Variants in GPHN observed in about 807,000 individuals in gnomAD.
The protein encoded by GPHN is gephyrin.
A neutral mutation model predicts 95.5 loss-of-function variants in GPHN; 17 were observed. The observed-to-expected ratio is 0.18, with a 90% CI of 0.12 to 0.27. The LOEUF is 0.27. Among genes scored for constraint, GPHN ranks in the 10% least tolerant of loss-of-function variants. GPHN has a pLI of 1.00. For synonymous variants in GPHN, 320 were observed against 322.5 expected (o/e 0.99, Z 0.08); for missense variants, 660 against 978.1 (o/e 0.67, Z 4.34).
intron 2 of GPHN, among the ~76,000 whole-genome samples, chr14:66,734,731 A>G (rs2072102694): frequency 6.6e-6 from 1 of 152,206 alleles, no homozygotes. Context: ...GCAAACATTT[A>G]TGTAGTCTCC....
At chr14:67,686,790 A>T in the GPHN span, among the ~76,000 whole-genome samples, 1 of 152,204 alleles carries the variant, frequency 6.6e-6, no homozygotes, top group Non-Finnish European at 1.5e-5. Context: ...GTAATATGAA[A>T]TGTATACATA....
At chr14:67,253,586 T>C in the GPHN span, among the ~76,000 whole-genome samples, 3 of 152,190 alleles carry the variant, frequency 2.0e-5, no homozygotes, top group Non-Finnish European at 2.9e-5. Flanking sequence ...AGCTTATGCC[T>C]GTAATCCCAG....
At chr14:67,275,991 T>C in the GPHN span, among the ~76,000 whole-genome samples, 1 of 152,280 alleles carries the variant, frequency 6.6e-6, no homozygotes, top group African/African-American at 2.4e-5. Context: ...TTTTATTGCA[T>C]GTATTTGATT....
chr14:66,608,835 T>C (rs2062656943), intron 1 of GPHN, among the ~76,000 whole-genome samples: 5 of 152,174 alleles, frequency 3.3e-5, no homozygotes, highest in Admixed American at 2.0e-4. Flanking sequence ...TCCATTTGTA[T>C]GGCAGTTCTT....
At chr14:67,623,560 T>TG in the GPHN span, among the ~76,000 whole-genome samples, 1 of 113,492 alleles carries the variant, frequency 8.8e-6, no homozygotes, top group Non-Finnish European at 1.7e-5. Flanking sequence ...TTTTTTTTTT[T>TG]GAGACGGAGT....
chr14:66,628,955 C>A (rs2063625462), intron 1 of GPHN, among the ~76,000 whole-genome samples: 1 of 150,140 alleles, frequency 6.7e-6, no homozygotes, highest in Admixed American at 6.7e-5. Flanking sequence ...GTCCCAGCCA[C>A]TCTGGAGGCT....
intron 12 of GPHN, among the ~76,000 whole-genome samples, 158 bp from the exon 13 acceptor site, chr14:67,100,698 A>G (rs902547437): frequency 1.3e-5 from 2 of 152,244 alleles, no homozygotes; most frequent in Non-Finnish European, 2.9e-5. Context: ...ATCAGTCGTA[A>G]CAAAGCCATT....
intron 4 of GPHN, among the ~76,000 whole-genome samples, chr14:66,839,910 T>C (rs975170460): frequency 1.3e-5 from 2 of 152,156 alleles, no homozygotes; most frequent in African/African-American, 4.8e-5. Flanking sequence ...CGCTGCTCTG[T>C]GGGGTAGATA....
At chr14:66,571,201 G>A (rs976986320) in intron 1 of GPHN, among the ~76,000 whole-genome samples, 2 of 152,164 alleles carry the variant, frequency 1.3e-5, no homozygotes, top group East Asian at 3.9e-4. Flanking sequence ...TCACGTGGCA[G>A]GAGAGCGAAG....
chr14:66,758,441 T>A (rs2058645573), intron 2 of GPHN, among the ~76,000 whole-genome samples: 1 of 152,156 alleles, frequency 6.6e-6, no homozygotes, highest in African/African-American at 2.4e-5. Context: ...AAAATAGCAG[T>A]CAAATCTCCC....
chr14:67,539,961 C>G, the GPHN span, among the ~76,000 whole-genome samples: 5 of 152,000 alleles, frequency 3.3e-5, no homozygotes, highest in East Asian at 1.9e-4. Context: ...AAGTCACATG[C>G]GAGGGGAGAA....
intron 2 of GPHN, among the ~76,000 whole-genome samples, chr14:66,773,217 C>A (rs1043372532): frequency 6.6e-6 from 1 of 152,120 alleles, no homozygotes; most frequent in Non-Finnish European, 1.5e-5. Context: ...AGTTCTTTTG[C>A]GTGCTTTTCA....
intron 11 of GPHN, among the ~76,000 whole-genome samples, chr14:67,069,829 GC>G (rs1382122844): frequency 6.6e-6 from 1 of 152,168 alleles, no homozygotes; most frequent in Non-Finnish European, 1.5e-5. Context: ...TAATTAAGCA[GC>G]AGTTTTTATT....
chr14:66,804,899 G>C (rs892203896), intron 3 of GPHN, among the ~76,000 whole-genome samples: 1 of 152,072 alleles, frequency 6.6e-6, no homozygotes, highest in African/African-American at 2.4e-5. Flanking sequence ...ACTGATTATT[G>C]CTAGGATTAA....
the GPHN span, among the ~76,000 whole-genome samples, chr14:67,466,542 G>C: frequency 6.6e-6 from 1 of 152,240 alleles, no homozygotes; most frequent in African/African-American, 2.4e-5. Context: ...GGGAACTGGT[G>C]TTCTGGAACA....
chr14:67,167,639 G>A (rs550932359), intron 20 of GPHN, among the ~76,000 whole-genome samples: 1 of 152,144 alleles, frequency 6.6e-6, no homozygotes, highest in East Asian at 1.9e-4. Flanking sequence ...AATAAGCAGT[G>A]TTTAGCCATG....
chr14:67,209,600 A>T, the GPHN span, among the ~76,000 whole-genome samples: 1 of 151,632 alleles, frequency 6.6e-6, no homozygotes, highest in African/African-American at 2.4e-5. Context: ...CGGGCAGATC[A>T]TGAGGTCAGG....
the GPHN span, among the ~76,000 whole-genome samples, chr14:67,685,430 T>G: frequency 4.6e-5 from 7 of 152,234 alleles, no homozygotes; most frequent in South Asian, 1.5e-3. Flanking sequence ...GACTGGAAAC[T>G]CAAGTCAGGA....
intron 12 of GPHN, among the ~76,000 whole-genome samples, chr14:67,095,155 A>G (rs2077304728): frequency 6.6e-6 from 1 of 152,182 alleles, no homozygotes; most frequent in Non-Finnish European, 1.5e-5. Flanking sequence ...CCTTGGTGTT[A>G]ATGTAAAATT....
Sources: gnomAD v4.1 joint callset for allele counts (sites outside exome capture counted in the v4.1 genomes callset) on GRCh38, gnomAD v4.1.1 for gene constraint, MANE v1.5 for transcripts, NCBI Gene and HGNC (gene_info 2026-07-23, HGNC 2026-07-21) for gene names.